The following N4BP3 variants were observed in gnomAD, a reference collection of about 807,000 sequenced individuals.
N4BP3 encodes the protein NEDD4-binding protein 3.
Under a neutral mutation model 43.8 loss-of-function variants are expected in N4BP3, and 33 were observed. The ratio of observed to expected loss-of-function variants is 0.75; its 90% CI spans 0.57 to 1.01. The LOEUF is 1.01. N4BP3 is among the 50% of genes least tolerant of loss of function. The pLI is 0.00. For synonymous variants in N4BP3, 326 were observed against 321.9 expected, an observed-to-expected ratio of 1.01 and a Z score of -0.14; for missense variants, 756 against 744.2, an observed-to-expected ratio of 1.02 and a Z score of -0.18.
In N4BP3 at chr5:178,119,459, G is replaced by A. The variant is rs1011214045; in HGVS notation, c.-30-95G>A. The A allele has an allele frequency of 6.8e-6, 6 of 876,836 alleles. No individual in the cohort carries two copies. The African/African-American group carries it at 8.5e-5, about 12-fold the overall frequency. The allele number at this position is 876,836 out of a possible 1,614,324, so 54.3% of individuals were successfully genotyped here. A position where few individuals can be genotyped will look rare whatever the true frequency, so the allele number is the denominator to read the frequency against. Reference sequence around the variant, plus strand: ...CTTACCTGGGCCTGGGCAAGGTTGTGGGGAGCTACAGGGAGCAAGTACCTT... The same window carrying A: ...CTTACCTGGGCCTGGGCAAGGTTGTAGGGAGCTACAGGGAGCAAGTACCTT... On this transcript the variant is annotated intron_variant, in intron 1 of 4. Coordinates refer to ENST00000274605, the MANE Select transcript of N4BP3 (RefSeq NM_015111.2).
rs144888096 is a variant in N4BP3, at chr5:178,120,964, G to T, written c.853-134G>T. 42 of 1,306,128 alleles carry T rather than the reference G, an allele frequency of 3.2e-5. No individual in the cohort carries two copies. In the Admixed American group the frequency reaches 1.1e-3, roughly 35 times the overall value. 80.9% of individuals were successfully genotyped at this position (1,306,128 alleles called of 1,614,324 possible). A position where few individuals can be genotyped will look rare whatever the true frequency, so the allele number is the denominator to read the frequency against. On this transcript the variant is annotated intron_variant, in intron 3 of 4. Coordinates refer to ENST00000274605, the MANE Select transcript of N4BP3 (RefSeq NM_015111.2). ...ACACCTCACCCTGGAGGGCATCCCG[G>T]GTTAAAGCGCATGTGTGGCTGGGTC...
chr5:178,120,544 G>A lies in N4BP3; in HGVS notation c.697G>A (p.Gly233Arg). The A allele has an allele frequency of 6.2e-7, 1 of 1,613,064 alleles. No individual in the cohort carries two copies. Among genetic ancestry groups the A allele is most frequent in the Non-Finnish European group, 8.5e-7 (1 of 1,180,010 alleles). ...GGCCTCTCAAGGACCCAAGGAGGCT[G>A]GGCCACCAGCTGTGCTGAGCTGCCT... ...DRASQGPKEA[G>R]PPAVLSCLPE... Residue 233 changes from glycine (G) to arginine (R), a missense_variant, in exon 3 of 5, where the codon GGG (glycine) becomes AGG (arginine). Gly to Arg is a moderately radical substitution (Grantham distance 125, BLOSUM62 -2). Transcript: ENST00000274605.
In N4BP3 at chr5:178,120,612, C is replaced by T. The variant is rs144684333; in HGVS notation, c.765C>T (p.Ala255=). 3.1e-5 allele frequency: 50 copies of T among 1,611,466 alleles called. No individual in the cohort carries two copies. In the East Asian group the frequency reaches 3.1e-4, roughly 10 times the overall value. Residue 255 remains alanine (A), a synonymous_variant, in exon 3 of 5, where the codon GCC becomes GCT. Coordinates refer to ENST00000274605, the MANE Select transcript of N4BP3 (RefSeq NM_015111.2). The part of the protein sequence containing the change: ...PPPYEFSCSS[A]EEMGAVLPET... Reference sequence around the variant, plus strand: ...CCTACGAGTTCTCCTGCTCCTCTGCCGAGGAAATGGGAGCCGTGCTGCCCG... The same window carrying T: ...CCTACGAGTTCTCCTGCTCCTCTGCTGAGGAAATGGGAGCCGTGCTGCCCG...
chr5:178,122,190 G>A lies in N4BP3; in HGVS notation c.*189G>A, dbSNP rs984586527. The A allele has an allele frequency of 1.5e-5, 10 of 662,804 alleles. No individual in the cohort carries two copies. Among genetic ancestry groups the A allele is most frequent in the African/African-American group, 1.5e-4 (8 of 54,980 alleles). 41.1% of individuals were successfully genotyped at this position (662,804 alleles called of 1,614,324 possible). A position where few individuals can be genotyped will look rare whatever the true frequency, so the allele number is the denominator to read the frequency against. On this transcript the variant is annotated 3_prime_UTR_variant, in exon 5 of 5. Transcript: ENST00000274605. Reference sequence around the variant, plus strand: ...GTGCCTTGGCAGGAGCCAGGACAAGGCCCTCCTGGCAGAGGAGCACCTAGG... The same window carrying A: ...GTGCCTTGGCAGGAGCCAGGACAAGACCCTCCTGGCAGAGGAGCACCTAGG...
rs375600034 is a variant in N4BP3 at position 178,123,078 on chromosome 5, G to C, written c.*1077G>C. ...TCTGTCCTGCGCTGGGCTCCAGGACGGTCAGTCCTCCCGGATCCCTGCTCT... is the reference window on the plus strand; with the variant it reads ...TCTGTCCTGCGCTGGGCTCCAGGACCGTCAGTCCTCCCGGATCCCTGCTCT... On this transcript the variant is annotated 3_prime_UTR_variant, in exon 5 of 5. Transcript: ENST00000274605. 2.0e-5 allele frequency: 3 copies of C among 152,390 alleles called. No homozygotes were observed. The East Asian group carries it at 5.8e-4, about 29-fold the overall frequency. 9.4% of individuals were successfully genotyped at this position (152,390 alleles called of 1,614,324 possible). A position where few individuals can be genotyped will look rare whatever the true frequency, so the allele number is the denominator to read the frequency against.
In N4BP3 at chr5:178,121,927, C is replaced by T. The variant is rs374755284; in HGVS notation, c.1561C>T (p.Leu521=). Residue 521 remains leucine (L), a synonymous_variant, in exon 5 of 5, where the codon CTG becomes TTG. Transcript: ENST00000274605. ...YMDMYRRNQA[L]EQELRALREP... is the part of the protein sequence containing the mutation. ...GGACATGTACCGCCGCAACCAGGCACTGGAGCAGGAACTGCGGGCACTGCG... is the reference window on the plus strand; with the variant it reads ...GGACATGTACCGCCGCAACCAGGCATTGGAGCAGGAACTGCGGGCACTGCG... The T allele has an allele frequency of 3.7e-5, 59 of 1,612,192 alleles. No individual in the cohort carries two copies. In the African/African-American group the frequency reaches 6.8e-4, roughly 19 times the overall value.
At chr5:178,114,063 G>C (rs573852175) in intron 1 of N4BP3, among the ~76,000 whole-genome samples, 48 of 152,160 alleles carry the variant, frequency 3.2e-4, no homozygotes, top group Middle Eastern at 3.4e-3. Context: ...GCTTTCCAGG[G>C]AGCAGCGCGC....
At position 178,121,802 on chromosome 5, in the gene N4BP3, G is replaced by T; in HGVS notation, c.1436G>T (p.Gly479Val). 6.2e-7 allele frequency: 1 copy of T among 1,608,990 alleles called. No individual in the cohort carries two copies. The highest frequency in any genetic ancestry group is 8.5e-7 in the Non-Finnish European group (1 of 1,179,324). Residue 479 changes from glycine to valine, a missense_variant, in exon 5 of 5, where the codon GGC becomes GTC. Gly to Val is a moderately radical substitution (Grantham distance 109). Coordinates refer to ENST00000274605, the MANE Select transcript of N4BP3 (RefSeq NM_015111.2). ...RAELLQERLR[G>V]QEQALRFEQE... ...GAGCTGCTGCAGGAGCGACTTCGGGGCCAGGAGCAGGCGCTGCGCTTTGAG... is the reference window on the plus strand; with the variant it reads ...GAGCTGCTGCAGGAGCGACTTCGGGTCCAGGAGCAGGCGCTGCGCTTTGAG...
At chr5:178,114,820 T>TG (rs1258152281) in intron 1 of N4BP3, among the ~76,000 whole-genome samples, 1 of 152,274 alleles carries the variant, frequency 6.6e-6, no homozygotes, top group African/African-American at 2.4e-5. Context: ...CTTCCTGACC[T>TG]GGGGGGCAGC....
In N4BP3 at chr5:178,122,240, G is replaced by C; in HGVS notation, c.*239G>C. On this transcript the variant is annotated 3_prime_UTR_variant, in exon 5 of 5. Coordinates refer to ENST00000274605, the MANE Select transcript of N4BP3 (RefSeq NM_015111.2). ...GCAGGGCCCAGCCCTGCTTCCTGGAGTGGATGTGGCCCAGAGAAGGAGGCT... is the reference window on the plus strand; with the variant it reads ...GCAGGGCCCAGCCCTGCTTCCTGGACTGGATGTGGCCCAGAGAAGGAGGCT... 1 of 507,272 alleles carries C rather than the reference G, an allele frequency of 2.0e-6. No individual in the cohort carries two copies. Among genetic ancestry groups the C allele is most frequent in the Non-Finnish European group, 3.4e-6 (1 of 290,250 alleles). The allele number at this position is 507,272 out of a possible 1,614,324, so 31.4% of individuals were successfully genotyped here.
At position 178,122,516 on chromosome 5, in the gene N4BP3, C is replaced by T. The variant is rs1757957105; in HGVS notation, c.*515C>T. On this transcript the variant is annotated 3_prime_UTR_variant, in exon 5 of 5. Coordinates refer to ENST00000274605, the MANE Select transcript of N4BP3 (RefSeq NM_015111.2). ...GGCCAGTGGTCAGTGGGAGGGTGTG[C>T]CCTGCGCCTGTCTGCATGGCCACTG... The T allele has an allele frequency of 6.3e-6, 1 of 159,194 alleles. No homozygotes were observed. The highest frequency in any genetic ancestry group is 1.4e-5 in the Non-Finnish European group (1 of 71,912). 9.9% of individuals were successfully genotyped at this position (159,194 alleles called of 1,614,324 possible). A position where few individuals can be genotyped will look rare whatever the true frequency, so the allele number is the denominator to read the frequency against.
chr5:178,122,340 C>T lies in N4BP3; in HGVS notation c.*339C>T. The T allele has an allele frequency of 3.9e-6, 1 of 255,768 alleles. No homozygotes were observed. Among genetic ancestry groups the T allele is most frequent in the South Asian group, 1.0e-4 (1 of 9,722 alleles). The allele number at this position is 255,768 out of a possible 1,614,324, so 15.8% of individuals were successfully genotyped here. On this transcript the variant is annotated 3_prime_UTR_variant, in exon 5 of 5. Coordinates refer to ENST00000274605, the MANE Select transcript of N4BP3 (RefSeq NM_015111.2). Reference sequence around the variant, plus strand: ...GCTGGAGACCTGGGCTGGGGCCTTCCTCCAGGGAAGGAGGCTGGGGTGGGA... The same window carrying T: ...GCTGGAGACCTGGGCTGGGGCCTTCTTCCAGGGAAGGAGGCTGGGGTGGGA...
chr5:178,121,712 G>A lies in N4BP3; in HGVS notation c.1346G>A (p.Ser449Asn). 1 of 1,609,454 alleles carries A rather than the reference G, an allele frequency of 6.2e-7. No individual in the cohort carries two copies. Among genetic ancestry groups the A allele is most frequent in the Admixed American group, 1.7e-5 (1 of 60,002 alleles). The change falls in exon 5 of 5, where the codon AGC becomes AAC. Residue 449 changes from serine to asparagine, a missense_variant. Ser to Asn is a conservative substitution (Grantham distance 46). Coordinates refer to ENST00000274605, the MANE Select transcript of N4BP3 (RefSeq NM_015111.2). The part of the protein sequence containing the change: ...PGSCETDDCK[S>N]RGLLGEAGGS... The stretch of plus-strand genomic sequence containing the variant: ...AGCTGTGAGACTGATGACTGCAAGA[G>A]CAGGGGCCTGCTAGGGGAGGCAGGA...
rs1469079874 is a variant in N4BP3, at chr5:178,122,979, G to A, written c.*978G>A. 1 of 152,274 alleles carries A rather than the reference G, an allele frequency of 6.6e-6. No individual in the cohort carries two copies. The highest frequency in any genetic ancestry group is 1.5e-5 in the Non-Finnish European group (1 of 68,072). 9.4% of individuals were successfully genotyped at this position (152,274 alleles called of 1,614,324 possible). On this transcript the variant is annotated 3_prime_UTR_variant, in exon 5 of 5. Transcript: ENST00000274605. ...CAACGGGGCTCTAGGGCATTATTAA[G>A]TAGGGGTGAAATATGATTGATTTGC... is the stretch of plus-strand genomic sequence containing the variant.
chr5:178,119,314 G>C (rs978573121), intron 1 of N4BP3, among the ~76,000 whole-genome samples: 1 of 152,188 alleles, frequency 6.6e-6, no homozygotes, highest in African/African-American at 2.4e-5. Context: ...GGGCACCATT[G>C]CTCTTCCTTA....
In N4BP3 at chr5:178,121,811, A is replaced by G; in HGVS notation, c.1445A>G (p.Gln482Arg). ...LLQERLRGQE[Q>R]ALRFEQERRT... Reference sequence around the variant, plus strand: ...CAGGAGCGACTTCGGGGCCAGGAGCAGGCGCTGCGCTTTGAGCAGGAGCGG... The same window carrying G: ...CAGGAGCGACTTCGGGGCCAGGAGCGGGCGCTGCGCTTTGAGCAGGAGCGG... The change falls in exon 5 of 5, where the codon CAG becomes CGG. Residue 482 changes from glutamine (Q) to arginine (R), a missense_variant. By Grantham distance (43) the Gln-to-Arg change is conservative (BLOSUM62 1). Coordinates refer to ENST00000274605, the MANE Select transcript of N4BP3 (RefSeq NM_015111.2). The G allele has an allele frequency of 1.9e-6, 3 of 1,609,012 alleles. No individual in the cohort carries two copies. Among genetic ancestry groups the G allele is most frequent in the Non-Finnish European group, 1.7e-6 (2 of 1,179,166 alleles).
At chr5:178,121,378 ACT>A in intron 4 of N4BP3, 26 bp downstream of exon 4, 13 of 1,606,828 alleles carry the variant, frequency 8.1e-6, no homozygotes, top group Non-Finnish European at 9.4e-6. Flanking sequence ...GGGCTCCGAG[ACT>A]CTCCCATCTC....
intron 1 of N4BP3, among the ~76,000 whole-genome samples, 179 bp from the exon 2 acceptor site, chr5:178,119,375 T>G (rs1188702792): frequency 6.6e-6 from 1 of 152,210 alleles, no homozygotes; most frequent in Non-Finnish European, 1.5e-5. Context: ...GGCTTGTACT[T>G]CTTTCTCTTG....
rs368793299 is a variant in N4BP3, at chr5:178,120,986, G to C, written c.853-112G>C. On this transcript the variant is annotated intron_variant, in intron 3 of 4. Transcript: ENST00000274605. ...CCGGGTTAAAGCGCATGTGTGGCTG[G>C]GTCCTGTGGTGTAGGGGCACAGGAT... 59 of 1,376,538 alleles carry C rather than the reference G, an allele frequency of 4.3e-5. No individual in the cohort carries two copies. The African/African-American group carries it at 7.4e-4, about 17-fold the overall frequency. The allele number at this position is 1,376,538 out of a possible 1,614,324, so 85.3% of individuals were successfully genotyped here. A position where few individuals can be genotyped will look rare whatever the true frequency, so the allele number is the denominator to read the frequency against.
Sources: allele counts gnomAD v4.1 joint callset (sites outside exome capture counted in the v4.1 genomes callset), GRCh38; gene constraint gnomAD v4.1.1; transcripts MANE v1.5; gene names NCBI Gene and HGNC (gene_info 2026-07-23, HGNC 2026-07-21).